Variants in SLC14A2 observed in about 807,000 individuals in gnomAD.
SLC14A2 encodes the protein solute carrier family 14 member 2, also known as urea transporter 2.
In SLC14A2, 91 loss-of-function variants were observed where a neutral mutation model predicts 104.6. The observed-to-expected ratio is 0.87, with a 90% CI of 0.73 to 1.04. SLC14A2 has a LOEUF of 1.04. Ranked by LOEUF, SLC14A2 falls within the 50% of genes least tolerant of loss-of-function variation. The pLI is 0.00. For missense variants in SLC14A2, 1,189 were observed against 1,156.0 expected, an observed-to-expected ratio of 1.03 and a Z score of -0.41; for synonymous variants, 476 against 466.4, an observed-to-expected ratio of 1.02 and a Z score of -0.27.
intron 1 of SLC14A2, among the ~76,000 whole-genome samples, chr18:45,305,746 G>A (rs115783702): frequency 0.019 from 2,880 of 152,106 alleles, 91 homozygotes; most frequent in African/African-American, 0.059. Context: ...ATTATTGTTC[G>A]GAAACCATAA....
At chr18:45,551,406 C>A (rs2044054287) in intron 2 of SLC14A2, among the ~76,000 whole-genome samples, 2 of 152,194 alleles carry the variant, frequency 1.3e-5, no homozygotes, top group Admixed American at 1.3e-4. Context: ...CGCAGAGCTG[C>A]AGCAGACTGG....
intron 1 of SLC14A2, among the ~76,000 whole-genome samples, chr18:45,415,034 G>T (rs1018919454): frequency 3.3e-5 from 5 of 151,686 alleles, no homozygotes; most frequent in African/African-American, 1.2e-4. Context: ...AAACCAAAAA[G>T]GTTATTTTGA....
chr18:45,329,585 T>G (rs2085269512), intron 1 of SLC14A2, among the ~76,000 whole-genome samples: 2 of 152,192 alleles, frequency 1.3e-5, no homozygotes. Context: ...AATGAAAGGT[T>G]TTTTTTCCCC....
chr18:45,656,672 T>C (rs558192237), intron 10 of SLC14A2, among the ~76,000 whole-genome samples: 2 of 152,320 alleles, frequency 1.3e-5, no homozygotes, highest in East Asian at 3.9e-4. Context: ...GATGGGGTGC[T>C]CTGACCTTTG....
chr18:45,335,773 T>C lies in SLC14A2; in HGVS notation c.-125+122582T>C, dbSNP rs2085332211. ...CCCCACAGGTTCTGAGCTGCCAAGG[T>C]TTTACTGCATTTTACTTGTAGGGTT... On this transcript the variant is annotated intron_variant, in intron 1 of 20. Coordinates refer to the SLC14A2 transcript ENST00000586448. Among the ~76,000 whole-genome samples the C allele has an allele frequency of 2.0e-5, 3 of 152,106 alleles. No homozygotes were observed. In the South Asian group the frequency reaches 6.2e-4, roughly 32 times the overall value.
At chr18:45,184,821 A>T in the SLC14A2 span, among the ~76,000 whole-genome samples, 2 of 152,190 alleles carry the variant, frequency 1.3e-5, no homozygotes, top group East Asian at 1.9e-4. Flanking sequence ...CAAAGCATTG[A>T]CTTCATCCAG....
At chr18:45,556,832 G>A (rs2044139256) in intron 2 of SLC14A2, among the ~76,000 whole-genome samples, 1 of 152,178 alleles carries the variant, frequency 6.6e-6, no homozygotes, top group South Asian at 2.1e-4. Flanking sequence ...GCTCCCATAG[G>A]GGTACATGGT....
At chr18:45,678,593 T>C (rs2046263797) in intron 18 of SLC14A2, among the ~76,000 whole-genome samples, 1 of 152,252 alleles carries the variant, frequency 6.6e-6, no homozygotes, top group Non-Finnish European at 1.5e-5. Flanking sequence ...ACCCATATTA[T>C]GTTAATAACT....
intron 2 of SLC14A2, among the ~76,000 whole-genome samples, chr18:45,536,167 G>C (rs555135169): frequency 6.6e-6 from 1 of 152,320 alleles, no homozygotes; most frequent in South Asian, 2.1e-4. Flanking sequence ...AGAGCATGGT[G>C]GTTGTGCCCT....
Position 45,652,195 on chromosome 18 carries a change from C to T in SLC14A2, c.1351+8035C>T, listed in dbSNP as rs566893785. 1.1e-4 allele frequency among the ~76,000 whole-genome samples: 16 copies of T among 152,362 alleles called. No homozygotes were observed. The South Asian group carries it at 2.9e-3, about 28-fold the overall frequency. On this transcript the variant is annotated intron_variant, in intron 10 of 19. Transcript: ENST00000255226. ...AGTTTCAGTATGGGCATGATTTCTA[C>T]TCAATAAACCATGGTCTCATCTGGT...
chr18:45,269,057 G>A, intron 1 of SLC14A2, among the ~76,000 whole-genome samples: 1 of 151,742 alleles, frequency 6.6e-6, no homozygotes, highest in South Asian at 2.1e-4. Flanking sequence ...AATCCTGAGG[G>A]GGATTCCTTC....
intron 2 of SLC14A2, among the ~76,000 whole-genome samples, chr18:45,519,645 GGA>G (rs1198882812): frequency 1.3e-5 from 2 of 152,206 alleles, no homozygotes; most frequent in Non-Finnish European, 2.9e-5. Context: ...CGAAGAAGGA[GGA>G]GAGAGCTCAT....
intron 2 of SLC14A2, among the ~76,000 whole-genome samples, chr18:45,515,776 T>C (rs1405179747): frequency 6.6e-6 from 1 of 152,220 alleles, no homozygotes; most frequent in Non-Finnish European, 1.5e-5. Context: ...GGTGCAATCA[T>C]TGGGTTTGTA....
In SLC14A2 at chr18:45,360,438, ATCT is replaced by A. The variant is rs2085599168; in HGVS notation, c.-124-122791_-124-122789del. ...AATTTCTACCTCTCCTACCTCCTAAATCTTCTGCAGAGCTCAGGATCTCCCCTG... is the reference window on the plus strand; with the variant it reads ...AATTTCTACCTCTCCTACCTCCTAAATCTGCAGAGCTCAGGATCTCCCCTG... On this transcript the variant is annotated intron_variant, in intron 1 of 20. Transcript: ENST00000586448. Among the ~76,000 whole-genome samples, 5 of 152,262 alleles carry A rather than the reference ATCT, an allele frequency of 3.3e-5. No individual in the cohort carries two copies. In the South Asian group the frequency reaches 1.0e-3, roughly 32 times the overall value.
At chr18:45,196,150 AG>A in the SLC14A2 span, among the ~76,000 whole-genome samples, 1 of 152,228 alleles carries the variant, frequency 6.6e-6, no homozygotes, top group Non-Finnish European at 1.5e-5. Context: ...GCACAAAGAT[AG>A]TTTACAGTTT....
intron 2 of SLC14A2, among the ~76,000 whole-genome samples, chr18:45,521,252 G>C (rs760791565): frequency 1.3e-5 from 2 of 152,226 alleles, no homozygotes; most frequent in South Asian, 4.1e-4. Flanking sequence ...ATGGAGAGTT[G>C]TGCTAGGCAC....
At chr18:45,320,686 T>A (rs938464575) in intron 1 of SLC14A2, among the ~76,000 whole-genome samples, 2 of 152,154 alleles carry the variant, frequency 1.3e-5, no homozygotes. Context: ...CCAAATCAAG[T>A]ACTTTCAGCC....
At chr18:45,235,639 G>A (rs559527350) in intron 1 of SLC14A2, among the ~76,000 whole-genome samples, 2 of 151,448 alleles carry the variant, frequency 1.3e-5, no homozygotes, top group South Asian at 4.2e-4. Context: ...AGATCAATTT[G>A]TTTGGTCCCC....
intron 1 of SLC14A2, among the ~76,000 whole-genome samples, chr18:45,305,015 G>A (rs183098851): frequency 3.3e-5 from 5 of 152,160 alleles, no homozygotes; most frequent in South Asian, 2.1e-4. Flanking sequence ...ACTACCCCCT[G>A]AGAATCATTC....
Sources: gnomAD v4.1 joint callset for allele counts (sites outside exome capture counted in the v4.1 genomes callset) on GRCh38, gnomAD v4.1.1 for gene constraint, MANE v1.5 for transcripts, NCBI Gene and HGNC (gene_info 2026-07-23, HGNC 2026-07-21) for gene names.